Variants in DNMT3A observed in about 807,000 individuals in gnomAD.
The protein encoded by DNMT3A is DNA (cytosine-5)-methyltransferase 3A.
Under a neutral mutation model 117.6 loss-of-function variants are expected in DNMT3A, and 267 were observed. The ratio of observed to expected loss-of-function variants is 2.27; its 90% CI spans 2.05 to 2.51. The LOEUF is 2.51. Among genes scored for constraint, DNMT3A ranks in the 30% most tolerant of loss-of-function variants. The probability of loss-of-function intolerance (pLI) is 0.00; values close to 1 mark genes in which losing one functional copy is unlikely to be tolerated. For missense variants in DNMT3A, 1,029 were observed against 1,260.2 expected, an observed-to-expected ratio of 0.82 and a Z score of 2.78; for synonymous variants, 432 against 474.8, an observed-to-expected ratio of 0.91 and a Z score of 1.17.
intron 1 of DNMT3A, among the ~76,000 whole-genome samples, chr2:25,338,413 G>C (rs769442562): frequency 1.3e-5 from 2 of 152,208 alleles, no homozygotes; most frequent in Non-Finnish European, 2.9e-5. Flanking sequence ...AGAAGCCTTG[G>C]GGGAGTCTGG....
At chr2:25,250,240 G>T (rs1355686852) in intron 6 of DNMT3A, among the ~76,000 whole-genome samples, 1 of 152,188 alleles carries the variant, frequency 6.6e-6, no homozygotes, top group East Asian at 1.9e-4. Context: ...CCAATGTATT[G>T]TCTTACAGAT....
Position 25,281,733 on chromosome 2 carries a change from T to C in DNMT3A, c.448+708A>G. 1 of 1,065,918 alleles carries C rather than the reference T, an allele frequency of 9.4e-7. No homozygotes were observed. The highest frequency in any genetic ancestry group is 1.1e-6 in the Non-Finnish European group (1 of 879,614). 66.0% of individuals were successfully genotyped at this position (1,065,918 alleles called of 1,614,324 possible). ...AACATGTTTACAGCTCGGTTGGCCC[T>C]GAAATTGCTGGCTTAACCTGAAAGA... On this transcript the variant is annotated intron_variant, in intron 4 of 22. Transcript: ENST00000321117. This position sits in a 1 kb window ranked among gnomAD's most constrained non-coding sequence, Gnocchi z 4.8.
At chr2:25,276,813 G>T (rs2031453731) in intron 4 of DNMT3A, among the ~76,000 whole-genome samples, 1 of 152,252 alleles carries the variant, frequency 6.6e-6, no homozygotes, top group Non-Finnish European at 1.5e-5. Context: ...CTTGGGGTGG[G>T]GGGAGACAAA....
In DNMT3A at chr2:25,247,717, C is replaced by T; in HGVS notation, c.888G>A (p.Val296=). 1 of 1,613,420 alleles carries T rather than the reference C, an allele frequency of 6.2e-7. No individual in the cohort carries two copies. The highest frequency in any genetic ancestry group is 8.5e-7 in the Non-Finnish European group (1 of 1,180,026). ...AGGAGAAGCCCCGCAGTTTCCCCCA[C>T]ACCAGCTCCCCAATGCCAAAGCCCC... The part of the protein sequence containing the change: ...DGRGFGIGEL[V]WGKLRGFSWW... Residue 296 remains valine (V), a synonymous_variant, in exon 8 of 23, where the codon GTG becomes GTA. Transcript: ENST00000321117. This position sits in a 1 kb window ranked among gnomAD's most constrained non-coding sequence, Gnocchi z 5.6.
rs200380351 is a variant in DNMT3A at position 25,246,077 on chromosome 2, G to A, written c.1430-13C>T. On this transcript the variant is annotated splice_polypyrimidine_tract_variant and intron_variant, in intron 11 of 22. Transcript: ENST00000321117. Reference sequence around the variant, plus strand: ...TACACCAGCCGCTCTGCAAGGGGAGGAGAGCTGGCGTCAGAGGAGGCCGCG... The same window carrying A: ...TACACCAGCCGCTCTGCAAGGGGAGAAGAGCTGGCGTCAGAGGAGGCCGCG... 2.4e-3 allele frequency: 3,812 copies of A among 1,614,186 alleles called. 7 individuals are homozygous for A. Among genetic ancestry groups the A allele is most frequent in the Non-Finnish European group, 3.1e-3 (3,601 of 1,180,026 alleles).
At chr2:25,307,338 C>CT (rs917834219) in intron 2 of DNMT3A, among the ~76,000 whole-genome samples, 41 of 149,174 alleles carry the variant, frequency 2.7e-4, no homozygotes, top group Admixed American at 4.7e-4. Context: ...TATTCTTTTT[C>CT]TTTTTTTTTT....
rs2034934868 is a variant in DNMT3A at position 25,329,673 on chromosome 2, C to CACA, written c.-178+12152_-178+12153insTGT. ...GGAGTCTCTCACAGTCATGCAGACC[C>CACA]CACACACACACACACACACACACAC... On this transcript the variant is annotated intron_variant, in intron 1 of 22. Transcript: ENST00000321117. Among the ~76,000 whole-genome samples, 217 of 138,490 alleles carry CACA rather than the reference C, an allele frequency of 1.6e-3. 6 individuals carry two copies. The highest frequency in any genetic ancestry group is 0.012 in the South Asian group (52 of 4,478). 90.9% of individuals were successfully genotyped at this position (138,490 alleles called of 152,430 possible). A position where few individuals can be genotyped will look rare whatever the true frequency, so the allele number is the denominator to read the frequency against.
intron 3 of DNMT3A, among the ~76,000 whole-genome samples, chr2:25,291,130 G>A (rs1309753030): frequency 2.0e-5 from 3 of 152,280 alleles, no homozygotes; most frequent in East Asian, 1.9e-4. Flanking sequence ...ACACAAACAC[G>A]CCAGTGAGCC....
chr2:25,243,857 G>A (rs759157770), intron 16 of DNMT3A, 41 bp downstream of exon 16: 1 of 1,549,886 alleles, frequency 6.5e-7, no homozygotes, highest in East Asian at 2.4e-5. Flanking sequence ...CCCCCATCCT[G>A]GGACAAGGCG....
intron 14 of DNMT3A, 51 bp downstream of exon 14, chr2:25,244,489 G>A (rs754418859): frequency 1.5e-5 from 24 of 1,601,718 alleles, no homozygotes; most frequent in East Asian, 6.7e-5. Context: ...GGTGGGCGGC[G>A]GGAGCCTGGG....
intron 1 of DNMT3A, among the ~76,000 whole-genome samples, chr2:25,325,147 G>T (rs1302706037): frequency 1.3e-5 from 2 of 152,110 alleles, no homozygotes; most frequent in Non-Finnish European, 2.9e-5. Flanking sequence ...GAGCGGGGGG[G>T]GGATTTATAC....
In DNMT3A at chr2:25,329,153, C is replaced by A. The variant is rs115936684; in HGVS notation, c.-178+12673G>T. 9.8e-3 allele frequency among the ~76,000 whole-genome samples: 1,494 copies of A among 152,280 alleles called. 20 individuals carry two copies. The highest frequency in any genetic ancestry group is 0.034 in the African/African-American group (1,406 of 41,548). On this transcript the variant is annotated intron_variant, in intron 1 of 22. Transcript: ENST00000321117. ...TCCTCATCGTCTGTCCCAACAAAAA[C>A]AAACCATTTGTGGAGGGGGCCGAGG...
At chr2:25,272,949 G>A (rs1353926214) in intron 6 of DNMT3A, among the ~76,000 whole-genome samples, 8 of 144,654 alleles carry the variant, frequency 5.5e-5, no homozygotes, top group African/African-American at 2.6e-5. Context: ...CTATAGGCAC[G>A]CACCACCACA....
chr2:25,318,517 C>A (rs1322779203), intron 1 of DNMT3A, among the ~76,000 whole-genome samples: 1 of 152,066 alleles, frequency 6.6e-6, no homozygotes, highest in East Asian at 1.9e-4. Context: ...AACTCCTGAC[C>A]TCAAGTGATC....
chr2:25,312,520 CAT>C (rs2034177447), intron 2 of DNMT3A, among the ~76,000 whole-genome samples: 1 of 152,122 alleles, frequency 6.6e-6, no homozygotes, highest in East Asian at 1.9e-4. Flanking sequence ...GGGATGTGTA[CAT>C]GTGTCCCTAG....
intron 1 of DNMT3A, among the ~76,000 whole-genome samples, chr2:25,326,108 ATGTGTGTGTGTGTGTGTGTGTG>A (rs61521265): frequency 7.0e-6 from 1 of 142,256 alleles, no homozygotes; most frequent in Non-Finnish European, 1.5e-5. Context: ...CTTGATATAT[ATGTGTGTGTGTGTGTGTGTGTG>A]TGTGTGTGTG....
intron 6 of DNMT3A, among the ~76,000 whole-genome samples, chr2:25,272,188 T>C (rs764305695): frequency 1.3e-5 from 2 of 152,198 alleles, no homozygotes; most frequent in Non-Finnish European, 2.9e-5. Flanking sequence ...GGTTTCAACA[T>C]GTTGGCCAGG....
intron 1 of DNMT3A, chr2:25,314,631 G>A (rs577835626): frequency 2.0e-6 from 2 of 985,402 alleles, no homozygotes; most frequent in South Asian, 4.7e-5. Flanking sequence ...GTCACAGGAT[G>A]TAGTGAAATG....
Position 25,236,873 on chromosome 2 carries a change from C to T in DNMT3A, c.2478+63G>A. 1 of 1,543,986 alleles carries T rather than the reference C, an allele frequency of 6.5e-7. No individual in the cohort carries two copies. Among genetic ancestry groups the T allele is most frequent in the Non-Finnish European group, 8.8e-7 (1 of 1,134,740 alleles). ...GCGGGACAAGGCCCTGGCCACCGCT[C>T]CACCTCATCCTGCCCTTCCTTCTCC... On this transcript the variant is annotated intron_variant, in intron 21 of 22. Coordinates refer to ENST00000321117, the MANE Select transcript of DNMT3A (RefSeq NM_022552.5). This position sits in a 1 kb window ranked among gnomAD's most constrained non-coding sequence, Gnocchi z 4.5.
Sources: gnomAD v4.1 joint callset for allele counts (sites outside exome capture counted in the v4.1 genomes callset) on GRCh38, gnomAD v4.1.1 for gene constraint, Gnocchi (gnomAD v3.1) non-coding constraint, MANE v1.5 for transcripts, NCBI Gene and HGNC (gene_info 2026-07-23, HGNC 2026-07-21) for gene names.